Variants in SORCS2 observed in about 807,000 individuals in gnomAD.
The protein encoded by SORCS2 is VPS10 domain-containing receptor SorCS2.
In SORCS2, 100 loss-of-function variants were observed where a neutral mutation model predicts 141.6. That is an observed-to-expected ratio of 0.71 (90% CI 0.60 to 0.83). The LOEUF is 0.83. Among genes scored for constraint, SORCS2 ranks in the 40% least tolerant of loss-of-function variants. The pLI is 0.00. For synonymous variants in SORCS2, 789 were observed against 676.9 expected, an observed-to-expected ratio of 1.17 and a Z score of -2.57; for missense variants, 1,646 against 1,560.2, an observed-to-expected ratio of 1.05 and a Z score of -0.93.
At chr4:7,357,714 T>C (rs1333454857) in intron 1 of SORCS2, among the ~76,000 whole-genome samples, 1 of 152,082 alleles carries the variant, frequency 6.6e-6, no homozygotes, top group Admixed American at 6.5e-5. Flanking sequence ...TTCATTTTGG[T>C]GTGATGCCTG....
At chr4:7,252,404 C>T (rs555077604) in intron 1 of SORCS2, among the ~76,000 whole-genome samples, 4 of 152,296 alleles carry the variant, frequency 2.6e-5, no homozygotes, top group East Asian at 3.9e-4. Context: ...TAGAGCAAAC[C>T]GCAAGACTCT....
intron 1 of SORCS2, among the ~76,000 whole-genome samples, chr4:7,220,742 C>A (rs1321922075): frequency 1.3e-5 from 2 of 152,088 alleles, no homozygotes; most frequent in African/African-American, 4.8e-5. Context: ...TCTCCAGGTG[C>A]GTCCCAGGTG....
intron 1 of SORCS2, among the ~76,000 whole-genome samples, chr4:7,238,293 G>T (rs4689095): frequency 6.6e-6 from 1 of 152,038 alleles, no homozygotes; most frequent in East Asian, 1.9e-4. Flanking sequence ...GGGAGTCTGG[G>T]GGGGGTTGCT....
At chr4:7,545,161 C>T (rs1467216154) in intron 3 of SORCS2, among the ~76,000 whole-genome samples, 1 of 149,906 alleles carries the variant, frequency 6.7e-6, no homozygotes, top group African/African-American at 2.5e-5. Flanking sequence ...AAAAAAAACT[C>T]GAGCTTTTCA....
At chr4:7,498,769 C>T (rs1216491407) in intron 2 of SORCS2, among the ~76,000 whole-genome samples, 1 of 152,240 alleles carries the variant, frequency 6.6e-6, no homozygotes, top group East Asian at 1.9e-4. Flanking sequence ...TCAGGGCTGC[C>T]CGGGAGCTGG....
chr4:7,673,286 TG>T (rs1560472565), intron 8 of SORCS2, among the ~76,000 whole-genome samples: 1 of 152,206 alleles, frequency 6.6e-6, no homozygotes, highest in Admixed American at 6.5e-5. Context: ...GCTTTCGAAA[TG>T]TTGCGATGTG....
chr4:7,269,185 G>T (rs556518593), intron 1 of SORCS2, among the ~76,000 whole-genome samples: 5 of 152,346 alleles, frequency 3.3e-5, no homozygotes, highest in African/African-American at 9.6e-5. Flanking sequence ...ACATTCCAGT[G>T]CTGGGATGAG....
chr4:7,302,716 G>A (rs1349753300), intron 1 of SORCS2, among the ~76,000 whole-genome samples: 1 of 150,248 alleles, frequency 6.7e-6, no homozygotes, highest in Non-Finnish European at 1.5e-5. Flanking sequence ...TTTGTTCACT[G>A]CTGTGCCCCC....
rs544689754 is a variant in SORCS2, at chr4:7,633,822, C to T, written c.649-4506C>T. ...CGTCAGGCGGGATTAACGGCCAGCT[C>T]CGTGTCCTGTTTTGCTCGAGGTACA... On this transcript the variant is annotated intron_variant, in intron 3 of 26. Transcript: ENST00000507866. Among the ~76,000 whole-genome samples, 4 of 124,434 alleles carry T rather than the reference C, an allele frequency of 3.2e-5. 2 individuals are homozygous for T. Among genetic ancestry groups the T allele is most frequent in the African/African-American group, 1.0e-4 (4 of 39,736 alleles). 81.6% of individuals were successfully genotyped at this position (124,434 alleles called of 152,430 possible). A position where few individuals can be genotyped will look rare whatever the true frequency, so the allele number is the denominator to read the frequency against.
chr4:7,311,046 A>G (rs1265996203), intron 1 of SORCS2, among the ~76,000 whole-genome samples: 1 of 152,034 alleles, frequency 6.6e-6, no homozygotes, highest in Non-Finnish European at 1.5e-5. Flanking sequence ...CACATACATT[A>G]CCCCTAAAAG....
rs116340406 is a variant in SORCS2, at chr4:7,673,412, C to T, written c.1162-2638C>T. On this transcript the variant is annotated intron_variant, in intron 8 of 26. Transcript: ENST00000507866. ...ATGTTGAGAACGCTGACGGTTTCCC[C>T]GTAGGGAAGCAGCTCAGTGGAATAT... is the stretch of plus-strand genomic sequence containing the variant. Among the ~76,000 whole-genome samples the T allele has an allele frequency of 2.9e-3, 445 of 152,254 alleles. 3 individuals are homozygous for T. Among genetic ancestry groups the T allele is most frequent in the African/African-American group, 9.8e-3 (409 of 41,542 alleles).
At chr4:7,433,712 C>T in intron 2 of SORCS2, 1 of 1,613,110 alleles carries the variant, frequency 6.2e-7, no homozygotes, top group Non-Finnish European at 8.5e-7. Context: ...CCCTGGTTCT[C>T]CGCGTCCCAC....
intron 2 of SORCS2, among the ~76,000 whole-genome samples, chr4:7,470,683 C>T (rs1024937078): frequency 1.3e-4 from 20 of 152,226 alleles, no homozygotes; most frequent in East Asian, 9.6e-4. Flanking sequence ...AGACAGGGCT[C>T]GGAGGAAAAA....
At chr4:7,274,291 C>A (rs984720528) in intron 1 of SORCS2, among the ~76,000 whole-genome samples, 10 of 152,352 alleles carry the variant, frequency 6.6e-5, no homozygotes, top group African/African-American at 2.4e-4. Flanking sequence ...GAGGGCTCCG[C>A]CTCATTTATC....
At chr4:7,380,534 G>T (rs1305217013) in intron 1 of SORCS2, among the ~76,000 whole-genome samples, 2 of 152,230 alleles carry the variant, frequency 1.3e-5, no homozygotes, top group African/African-American at 2.4e-5. Context: ...CTGAGGAGGG[G>T]CTGGAGTAGA....
chr4:7,271,607 C>A (rs1715135076), intron 1 of SORCS2, among the ~76,000 whole-genome samples: 1 of 152,212 alleles, frequency 6.6e-6, no homozygotes, highest in South Asian at 2.1e-4. Context: ...ATCTAAAATG[C>A]CATCGACTTC....
chr4:7,433,730 A>G lies in SORCS2; in HGVS notation c.548+37375A>G, dbSNP rs200727247. 344 of 1,613,110 alleles carry G rather than the reference A, an allele frequency of 2.1e-4. 1 individual carries two copies. The East Asian group carries it at 5.4e-3, about 26-fold the overall frequency. On this transcript the variant is annotated intron_variant, in intron 2 of 26. Coordinates refer to ENST00000507866, the MANE Select transcript of SORCS2 (RefSeq NM_020777.3). ...TGGTTCTCCGCGTCCCACTCTGGGG[A>G]CGGCACGATGGCATAGGCATCATGG...
At chr4:7,335,775 G>T (rs955978980) in intron 1 of SORCS2, among the ~76,000 whole-genome samples, 1 of 152,244 alleles carries the variant, frequency 6.6e-6, no homozygotes, top group Non-Finnish European at 1.5e-5. Flanking sequence ...TCCCGGCTGG[G>T]GGGTGTGGCG....
chr4:7,741,187 A>G lies in SORCS2; in HGVS notation c.*923A>G, dbSNP rs1252604685. On this transcript the variant is annotated 3_prime_UTR_variant, in exon 27 of 27. Coordinates refer to ENST00000507866, the MANE Select transcript of SORCS2 (RefSeq NM_020777.3). The stretch of plus-strand genomic sequence containing the variant: ...GGCACCAGATGTACCAGTTTTCTGC[A>G]GTTCCTTATAGGCGAAGGGAACCGG... 5.0e-6 allele frequency: 2 copies of G among 398,624 alleles called. No homozygotes were observed. The highest frequency in any genetic ancestry group is 8.8e-5 in the Admixed American group (2 of 22,712). 24.7% of individuals were successfully genotyped at this position (398,624 alleles called of 1,614,324 possible). A position where few individuals can be genotyped will look rare whatever the true frequency, so the allele number is the denominator to read the frequency against.
Sources: allele counts gnomAD v4.1 joint callset (sites outside exome capture counted in the v4.1 genomes callset), GRCh38; gene constraint gnomAD v4.1.1; transcripts MANE v1.5; gene names NCBI Gene and HGNC (gene_info 2026-07-23, HGNC 2026-07-21).